Variants in RARB observed in about 807,000 individuals in gnomAD.
The protein encoded by RARB is HBV-activated protein.
In RARB, 17 loss-of-function variants were observed where a neutral mutation model predicts 51.9. The ratio of observed to expected loss-of-function variants is 0.33; its 90% confidence interval spans 0.22 to 0.49. The LOEUF is 0.49. Among genes scored for constraint, RARB ranks in the 20% least tolerant of loss-of-function variants. The pLI is 0.99. For synonymous variants in RARB, 215 were observed against 195.4 expected (o/e 1.10, Z -0.84); for missense variants, 369 against 550.8 (o/e 0.67, Z 3.30).
intron 5 of RARB, among the ~76,000 whole-genome samples, chr3:25,383,693 C>T (rs147379912): frequency 0.014 from 2,138 of 152,146 alleles, 50 homozygotes; most frequent in African/African-American, 0.049. Flanking sequence ...TTTGGGAGGC[C>T]GAGGCGAGCG....
At chr3:25,543,799 C>T (rs372125719) in intron 3 of RARB, among the ~76,000 whole-genome samples, 213 of 152,284 alleles carry the variant, frequency 1.4e-3, no homozygotes, top group African/African-American at 4.7e-3. Context: ...CAAAAGTAAC[C>T]TTCCATAGAT....
At chr3:25,117,731 A>G (rs149299698) in intron 3 of RARB, among the ~76,000 whole-genome samples, 3 of 152,314 alleles carry the variant, frequency 2.0e-5, no homozygotes, top group South Asian at 4.1e-4. Flanking sequence ...AAGGAAGAGC[A>G]GAGGATGGCT....
chr3:25,065,630 T>A (rs1698646108), intron 3 of RARB, among the ~76,000 whole-genome samples: 1 of 152,238 alleles, frequency 6.6e-6, no homozygotes, highest in Non-Finnish European at 1.5e-5. Context: ...AATTCATGAC[T>A]ATTTTTCTTA....
Position 25,361,319 on chromosome 3 carries a change from T to C in RARB, c.179-99874T>C, listed in dbSNP as rs186518923. Among the ~76,000 whole-genome samples the C allele has an allele frequency of 3.8e-3, 584 of 152,332 alleles. 2 individuals carry two copies. Among genetic ancestry groups the C allele is most frequent in the African/African-American group, 0.013 (551 of 41,568 alleles). The stretch of plus-strand genomic sequence containing the variant: ...TCACAAAGTTCTTGTGCTATGTTTT[T>C]CAGCTCCATCAGGTCATTTATGTTT... On this transcript the variant is annotated intron_variant, in intron 5 of 11. Coordinates refer to the RARB transcript ENST00000383772.
chr3:25,024,684 G>C (rs1411052064), intron 2 of RARB, among the ~76,000 whole-genome samples: 4 of 152,128 alleles, frequency 2.6e-5, no homozygotes, highest in Non-Finnish European at 5.9e-5. Context: ...GGGCACGGTG[G>C]CTCATGCCTG....
rs553407828 is a variant in RARB at position 25,369,919 on chromosome 3, GA to G, written c.179-91263del. Among the ~76,000 whole-genome samples the G allele has an allele frequency of 4.8e-4, 69 of 144,844 alleles. 1 individual carries two copies. In the East Asian group the frequency reaches 7.0e-3, roughly 15 times the overall value. ...CCTGGACAAGAGTGAAACTGTCTCA[GA>G]AAAAAAAAAAGATGTTCACTTTCAC... On this transcript the variant is annotated intron_variant, in intron 5 of 11. Coordinates refer to the RARB transcript ENST00000383772.
At chr3:24,954,479 G>A (rs543912615) in intron 2 of RARB, among the ~76,000 whole-genome samples, 18 of 152,274 alleles carry the variant, frequency 1.2e-4, no homozygotes, top group Admixed American at 1.2e-3. Context: ...TTTAGAAAAA[G>A]TATAGAATAA....
chr3:25,573,942 C>G (rs1375553273), intron 4 of RARB, among the ~76,000 whole-genome samples: 1 of 152,152 alleles, frequency 6.6e-6, no homozygotes, highest in African/African-American at 2.4e-5. Flanking sequence ...ATATCCCCAC[C>G]ACCCCCACCT....
chr3:25,462,953 T>C (rs1559415675), intron 2 of RARB, among the ~76,000 whole-genome samples: 1 of 152,234 alleles, frequency 6.6e-6, no homozygotes, highest in East Asian at 1.9e-4. Context: ...AAGCAAGTTA[T>C]AAGGTCAGCC....
intron 4 of RARB, among the ~76,000 whole-genome samples, chr3:25,163,931 C>A (rs1288389055): frequency 6.6e-6 from 1 of 152,150 alleles, no homozygotes; most frequent in Admixed American, 6.5e-5. Flanking sequence ...GTCTTGTTCT[C>A]AAAGGAACTA....
At chr3:24,906,844 C>CAAAAAAAAAAA (rs397875286) in intron 2 of RARB, among the ~76,000 whole-genome samples, 2 of 76,038 alleles carry the variant, frequency 2.6e-5, no homozygotes, top group African/African-American at 9.2e-5. Flanking sequence ...GATTCCGTCT[C>CAAAAAAAAAAA]AAAAAAAAAA....
intron 5 of RARB, among the ~76,000 whole-genome samples, chr3:25,346,541 G>T (rs1183575213): frequency 1.3e-5 from 2 of 152,146 alleles, no homozygotes; most frequent in Non-Finnish European, 2.9e-5. Context: ...GAGCTCACCA[G>T]TCCCTGGCAA....
chr3:25,489,913 C>T (rs546332200), intron 2 of RARB, among the ~76,000 whole-genome samples: 2 of 152,078 alleles, frequency 1.3e-5, no homozygotes, highest in Non-Finnish European at 2.9e-5. Context: ...TTAGCATTAT[C>T]AGGCGTCAGC....
chr3:25,596,487 G>C lies in RARB; in HGVS notation c.1218G>C (p.Met406Ile). The C allele has an allele frequency of 6.2e-7, 1 of 1,613,604 alleles. No homozygotes were observed. Residue 406 changes from methionine (M) to isoleucine (I), a missense_variant, in exon 8 of 8, where the codon ATG (methionine) becomes ATC (isoleucine). Around this residue, in one of 9 missense-constraint regions of RARB, gnomAD observed 76 missense variants for 153.3 expected, o/e 0.50. Coordinates refer to ENST00000330688, the MANE Select transcript of RARB (RefSeq NM_000965.5). ...CAATGCCACCTCTCATTCAAGAAAT[G>C]CTGGAGAATTCTGAAGGACATGAAC... Reference protein sequence around the residue: ...PGSMPPLIQEMLENSEGHEPL... With the variant: ...PGSMPPLIQEILENSEGHEPL...
rs1191159287 is a variant in RARB, at chr3:25,081,209, T to C, written c.-328+21033T>C. Among the ~76,000 whole-genome samples the C allele has an allele frequency of 2.6e-5, 4 of 152,176 alleles. No homozygotes were observed. In the East Asian group the frequency reaches 5.8e-4, roughly 22 times the overall value. The stretch of plus-strand genomic sequence containing the variant: ...TCCTTCTGTGAGTTATTTAGAAATA[T>C]GTTGCTAATTTTCAAGTATCTTTTC... On this transcript the variant is annotated intron_variant, in intron 3 of 11. Transcript: ENST00000383772.
chr3:25,371,018 A>G (rs1298904125), intron 5 of RARB, among the ~76,000 whole-genome samples: 1 of 152,146 alleles, frequency 6.6e-6, no homozygotes, highest in African/African-American at 2.4e-5. Flanking sequence ...GGTCTCTCAT[A>G]AAAACACTTG....
At chr3:24,894,522 G>A (rs768033087) in intron 2 of RARB, among the ~76,000 whole-genome samples, 2 of 152,026 alleles carry the variant, frequency 1.3e-5, no homozygotes, top group Admixed American at 6.6e-5. Context: ...CTGTTGTTGG[G>A]TACTGAGGTT....
chr3:25,003,194 C>CAAAAAAAAAAA (rs565249387), intron 2 of RARB, among the ~76,000 whole-genome samples: 8 of 89,552 alleles, frequency 8.9e-5, no homozygotes, highest in African/African-American at 2.8e-4. Flanking sequence ...GATCATAATG[C>CAAAAAAAAAAA]AAAAAAAAAA....
chr3:24,885,435 C>T (rs998692825), intron 2 of RARB, among the ~76,000 whole-genome samples: 2 of 152,026 alleles, frequency 1.3e-5, no homozygotes, highest in Non-Finnish European at 2.9e-5. Context: ...TTGCTGTAAA[C>T]CTTGAGAATC....
Sources: allele counts gnomAD v4.1 joint callset (sites outside exome capture counted in the v4.1 genomes callset), GRCh38; gene constraint gnomAD v4.1.1; regional missense constraint gnomAD v4.1.1; transcripts MANE v1.5; gene names NCBI Gene and HGNC (gene_info 2026-07-23, HGNC 2026-07-21).